The following CTXND1 variants were observed in gnomAD, a reference collection of about 807,000 sequenced individuals.
CTXND1 encodes cortexin domain containing 1.
intron 1 of CTXND1, among the ~76,000 whole-genome samples, chr15:80,244,751 G>C (rs1478230756): frequency 6.6e-6 from 1 of 152,208 alleles, no homozygotes; most frequent in Non-Finnish European, 1.5e-5. Flanking sequence ...GATGCTGCTG[G>C]TCTGTGACCC....
At chr15:80,204,146 C>CAAAAAA (rs1173053524) in intron 1 of CTXND1, among the ~76,000 whole-genome samples, 27 of 2,146 alleles carry the variant, frequency 0.013, 11 homozygotes, top group Admixed American at 0.027. Flanking sequence ...GACTGTGTCT[C>CAAAAAA]AAAAAAAAAA....
intron 1 of CTXND1, among the ~76,000 whole-genome samples, chr15:80,232,956 T>G (rs1893448277): frequency 6.6e-6 from 1 of 150,828 alleles, no homozygotes; most frequent in Non-Finnish European, 1.5e-5. Context: ...TTTTTTTTTT[T>G]TTTTGAGACT....
At chr15:80,207,017 A>G (rs1055282451) in intron 1 of CTXND1, among the ~76,000 whole-genome samples, 1 of 152,172 alleles carries the variant, frequency 6.6e-6, no homozygotes, top group Non-Finnish European at 1.5e-5. Flanking sequence ...AAGGGAATGT[A>G]TATTTTTCTC....
intron 1 of CTXND1, among the ~76,000 whole-genome samples, chr15:80,244,969 T>C (rs953768610): frequency 6.6e-6 from 1 of 152,214 alleles, no homozygotes; most frequent in Admixed American, 6.5e-5. Flanking sequence ...AAATCCCATT[T>C]ATCAGCAACA....
chr15:80,217,994 C>A (rs1304458090), intron 1 of CTXND1, among the ~76,000 whole-genome samples: 1 of 152,146 alleles, frequency 6.6e-6, no homozygotes, highest in Non-Finnish European at 1.5e-5. Flanking sequence ...TTTAGATTTT[C>A]TACCTTTTCT....
chr15:80,213,504 G>C (rs1309807982), intron 1 of CTXND1, among the ~76,000 whole-genome samples: 1 of 152,196 alleles, frequency 6.6e-6, no homozygotes, highest in Non-Finnish European at 1.5e-5. Context: ...CCTTATAAGA[G>C]AGAGGCAGTG....
intron 1 of CTXND1, among the ~76,000 whole-genome samples, chr15:80,244,195 GT>G (rs1422178326): frequency 3.3e-5 from 5 of 152,210 alleles, no homozygotes; most frequent in Non-Finnish European, 7.3e-5. Flanking sequence ...CTGAACGTAA[GT>G]AATCCTACTT....
intron 1 of CTXND1, among the ~76,000 whole-genome samples, chr15:80,248,111 C>T (rs762719215): frequency 1.3e-5 from 2 of 152,356 alleles, no homozygotes; most frequent in East Asian, 1.9e-4. Context: ...GCTTGTGGCT[C>T]TTCCCGTGCA....
intron 1 of CTXND1, among the ~76,000 whole-genome samples, chr15:80,235,102 G>A (rs1052542987): frequency 6.6e-6 from 1 of 152,180 alleles, no homozygotes; most frequent in Non-Finnish European, 1.5e-5. Flanking sequence ...TCCCTGGAGG[G>A]TTGTGGGGGA....
chr15:80,218,575 A>G (rs1461713995), intron 1 of CTXND1, among the ~76,000 whole-genome samples: 3 of 152,116 alleles, frequency 2.0e-5, no homozygotes, highest in Middle Eastern at 3.4e-3. Flanking sequence ...TTGCTTTCCA[A>G]TGAATTGTTT....
In CTXND1 at chr15:80,196,200, C is replaced by T. The variant is rs1414364829; in HGVS notation, c.*5570G>A. On this transcript the variant is annotated 3_prime_UTR_variant, in exon 3 of 3. Transcript: ENST00000560778. ...GATGCCAATGCTGTCCATCCGTGGA[C>T]CATAGTTTGAGTAGTGTTGCCCTAG... is the stretch of plus-strand genomic sequence containing the variant. 1 of 152,148 alleles carries T rather than the reference C, an allele frequency of 6.6e-6. No individual in the cohort carries two copies. The highest frequency in any genetic ancestry group is 2.4e-5 in the African/African-American group (1 of 41,416). The allele number at this position is 152,148 out of a possible 1,614,324, so 9.4% of individuals were successfully genotyped here. A position where few individuals can be genotyped will look rare whatever the true frequency, so the allele number is the denominator to read the frequency against.
chr15:80,238,734 C>T (rs1172035317), intron 1 of CTXND1, among the ~76,000 whole-genome samples: 1 of 152,150 alleles, frequency 6.6e-6, no homozygotes, highest in Non-Finnish European at 1.5e-5. Context: ...CTTGGCCTCC[C>T]AAAGTGCTGG....
At chr15:80,212,875 G>C (rs1001981196) in intron 1 of CTXND1, among the ~76,000 whole-genome samples, 1 of 152,130 alleles carries the variant, frequency 6.6e-6, no homozygotes, top group Admixed American at 6.5e-5. Context: ...TACCCTTCAG[G>C]AAAAAAGGGA....
intron 1 of CTXND1, among the ~76,000 whole-genome samples, chr15:80,230,379 G>A (rs1457529153): frequency 3.3e-5 from 5 of 152,028 alleles, no homozygotes; most frequent in Non-Finnish European, 7.4e-5. Flanking sequence ...TTCTGTGCTG[G>A]GATTACAGAC....
At chr15:80,211,031 C>G (rs144200983) in intron 1 of CTXND1, among the ~76,000 whole-genome samples, 85 of 152,306 alleles carry the variant, frequency 5.6e-4, no homozygotes, top group African/African-American at 1.8e-3. Context: ...GTTAGAGGTT[C>G]ATGAGTTTGG....
At chr15:80,221,544 C>T (rs997186393) in intron 1 of CTXND1, among the ~76,000 whole-genome samples, 4 of 152,112 alleles carry the variant, frequency 2.6e-5, no homozygotes, top group African/African-American at 7.2e-5. Flanking sequence ...GATAGCGCCC[C>T]TGCACTCCAG....
chr15:80,250,486 C>G (rs1200098919), intron 1 of CTXND1, among the ~76,000 whole-genome samples: 1 of 152,166 alleles, frequency 6.6e-6, no homozygotes, highest in Non-Finnish European at 1.5e-5. Flanking sequence ...ACATTATGCT[C>G]TATGCATTCA....
At chr15:80,211,930 G>C (rs1486113844) in intron 1 of CTXND1, among the ~76,000 whole-genome samples, 1 of 152,108 alleles carries the variant, frequency 6.6e-6, no homozygotes. Context: ...TTTTCTTATA[G>C]CAGGTCACAC....
intron 1 of CTXND1, among the ~76,000 whole-genome samples, chr15:80,227,552 C>A (rs1285372793): frequency 1.3e-5 from 2 of 152,090 alleles, no homozygotes; most frequent in African/African-American, 4.8e-5. Context: ...GTGACTATCA[C>A]AATAAAGTGA....
Sources: gnomAD v4.1 joint callset for allele counts (sites outside exome capture counted in the v4.1 genomes callset) on GRCh38, gnomAD v4.1.1 for gene constraint, MANE v1.5 for transcripts, NCBI Gene and HGNC (gene_info 2026-07-23, HGNC 2026-07-21) for gene names.